Variants in XXYLT1 observed in about 807,000 individuals in gnomAD.
The protein encoded by XXYLT1 is xyloside xylosyltransferase 1, also known as UDP-xylose:alpha-xyloside alpha-1,3-xylosyltransferase.
Under a neutral mutation model 28.9 loss-of-function variants are expected in XXYLT1, and 20 were observed. The ratio of observed to expected loss-of-function variants is 0.69; its 90% CI spans 0.49 to 1.00. XXYLT1 has a LOEUF of 1.00. Ranked by LOEUF, XXYLT1 falls within the 50% of genes least tolerant of loss-of-function variation. The probability of loss-of-function intolerance (pLI) is 0.00; values close to 1 mark genes in which losing one functional copy is unlikely to be tolerated. For missense variants in XXYLT1, 542 were observed against 560.1 expected (o/e 0.97, Z 0.33); for synonymous variants, 257 against 253.8 (o/e 1.01, Z -0.12).
intron 1 of XXYLT1, among the ~76,000 whole-genome samples, chr3:195,236,285 G>A (rs894353437): frequency 2.0e-5 from 3 of 152,030 alleles, no homozygotes; most frequent in Non-Finnish European, 4.4e-5. Context: ...ATTCTACTGC[G>A]GTTAAGCTGG....
chr3:195,114,244 T>TC (rs1243182874), intron 3 of XXYLT1, among the ~76,000 whole-genome samples: 1 of 152,156 alleles, frequency 6.6e-6, no homozygotes, highest in African/African-American at 2.4e-5. Flanking sequence ...CCCTTCTCGC[T>TC]CCTCCACGTG....
intron 2 of XXYLT1, among the ~76,000 whole-genome samples, chr3:195,223,874 C>T (rs1476093428): frequency 1.3e-5 from 2 of 152,102 alleles, no homozygotes; most frequent in Admixed American, 6.5e-5. Context: ...AAATGAATTG[C>T]TGCCGGGCGC....
chr3:195,268,216 G>A (rs147799935), intron 1 of XXYLT1, among the ~76,000 whole-genome samples: 3,517 of 152,120 alleles, frequency 0.023, 139 homozygotes, highest in African/African-American at 0.079. Context: ...GATCACCTGA[G>A]GTCAGGAATT....
At chr3:195,181,284 T>TGCGG (rs1560138861) in intron 2 of XXYLT1, among the ~76,000 whole-genome samples, 44 of 150,186 alleles carry the variant, frequency 2.9e-4, no homozygotes, top group African/African-American at 1.1e-3. Context: ...CGTGGCTGCG[T>TGCGG]GGCTGCGGGG....
At chr3:195,248,247 C>A (rs190743740) in intron 1 of XXYLT1, among the ~76,000 whole-genome samples, 1 of 152,276 alleles carries the variant, frequency 6.6e-6, no homozygotes, top group African/African-American at 2.4e-5. Context: ...ACAGATACTA[C>A]CTCAGGAGGG....
intron 1 of XXYLT1, among the ~76,000 whole-genome samples, chr3:195,232,756 TCA>T (rs982097495): frequency 4.6e-5 from 7 of 152,224 alleles, no homozygotes; most frequent in African/African-American, 7.2e-5. Context: ...TGATATTATT[TCA>T]GTTTTTTGGA....
rs999182820 is a variant in XXYLT1, at chr3:195,173,130, G to A, written c.653-16549C>T. 2.0e-5 allele frequency among the ~76,000 whole-genome samples: 3 copies of A among 152,168 alleles called. No homozygotes were observed. Among genetic ancestry groups the A allele is most frequent in the Non-Finnish European group, 4.4e-5 (3 of 68,018 alleles). ...TGGTACACATCTTGCAAGTCCATCA[G>A]GAGCTCTGGCTCTCTAGACGGTGCT... is the stretch of plus-strand genomic sequence containing the variant. On this transcript the variant is annotated intron_variant, in intron 2 of 3. Transcript: ENST00000310380. The surrounding 1 kb of genome is among the most constrained non-coding windows in gnomAD (Gnocchi z 4.3).
intron 3 of XXYLT1, among the ~76,000 whole-genome samples, chr3:195,135,559 G>C (rs1012837646): frequency 2.6e-5 from 4 of 152,176 alleles, no homozygotes; most frequent in African/African-American, 9.6e-5. Context: ...GAGAACCCAG[G>C]CTGGCTCGGA....
rs375195677 is a variant in XXYLT1 at position 195,259,516 on chromosome 3, G to C, written c.504+11039C>G. 7.3e-4 allele frequency: 701 copies of C among 960,140 alleles called. 3 individuals carry two copies. In the African/African-American group the frequency reaches 0.012, roughly 16 times the overall value. The allele number at this position is 960,140 out of a possible 1,614,324, so 59.5% of individuals were successfully genotyped here. ...GGGAGGCCTTCGGGCCCTGCCAGGC[G>C]GCCCTTCCAGCAAGCAGGCGGCCGG... is the stretch of plus-strand genomic sequence containing the variant. On this transcript the variant is annotated intron_variant, in intron 1 of 3. Coordinates refer to ENST00000310380, the MANE Select transcript of XXYLT1 (RefSeq NM_152531.5).
rs570929630 is a variant in XXYLT1 at position 195,209,126 on chromosome 3, G to C, written c.652+17583C>G. ...CCTCTCAGGGGGAAGCTATCTCCCA[G>C]AGTGTAAGATGCCAGTGGGGTTAGG... On this transcript the variant is annotated intron_variant, in intron 2 of 3. Coordinates refer to ENST00000310380, the MANE Select transcript of XXYLT1 (RefSeq NM_152531.5). This position sits in a 1 kb window ranked among gnomAD's most constrained non-coding sequence, Gnocchi z 5.0. 1.3e-5 allele frequency among the ~76,000 whole-genome samples: 2 copies of C among 152,342 alleles called. No homozygotes were observed. The highest frequency in any genetic ancestry group is 2.1e-4 in the South Asian group (1 of 4,830).
chr3:195,112,620 T>TGC (rs1266936872), intron 3 of XXYLT1, among the ~76,000 whole-genome samples: 1 of 86,456 alleles, frequency 1.2e-5, no homozygotes, highest in Non-Finnish European at 2.9e-5. Flanking sequence ...CGCACACATG[T>TGC]GCACACACAC....
chr3:195,168,412 G>A lies in XXYLT1; in HGVS notation c.653-11831C>T, dbSNP rs998230494. Among the ~76,000 whole-genome samples the A allele has an allele frequency of 2.0e-5, 3 of 151,452 alleles. No individual in the cohort carries two copies. The highest frequency in any genetic ancestry group is 4.1e-4 in the South Asian group (2 of 4,834). ...CTATGTGCCAAGCACTATGCTAAAT[G>A]TGAGGGTTCAGAAATAAATAGTGTC... On this transcript the variant is annotated intron_variant, in intron 2 of 3. Coordinates refer to ENST00000310380, the MANE Select transcript of XXYLT1 (RefSeq NM_152531.5). The surrounding 1 kb of genome is among the most constrained non-coding windows in gnomAD (Gnocchi z 4.3).
chr3:195,235,977 G>T (rs1448443706), intron 1 of XXYLT1, among the ~76,000 whole-genome samples: 1 of 151,712 alleles, frequency 6.6e-6, no homozygotes, highest in Non-Finnish European at 1.5e-5. Context: ...TGGCTGGGCT[G>T]CCTGGAGATT....
intron 3 of XXYLT1, among the ~76,000 whole-genome samples, chr3:195,112,556 T>C (rs1342033582): frequency 6.9e-5 from 9 of 130,288 alleles, no homozygotes; most frequent in African/African-American, 2.8e-4. Context: ...TGGGAACAGC[T>C]AGATGAAGCA....
In XXYLT1 at chr3:195,103,334, C is replaced by CGCCAGCGACCTGCGTCCATCACCCCAT. The variant is rs1560095746; in HGVS notation, c.786-33224_786-33223insATGGGGTGATGGACGCAGGTCGCTGGC. Among the ~76,000 whole-genome samples, 1,022 of 125,198 alleles carry CGCCAGCGACCTGCGTCCATCACCCCAT rather than the reference C, an allele frequency of 8.2e-3. 27 individuals carry two copies. The highest frequency in any genetic ancestry group is 0.02 in the African/African-American group (654 of 31,952). The allele number at this position is 125,198 out of a possible 152,430, so 82.1% of individuals were successfully genotyped here. A position where few individuals can be genotyped will look rare whatever the true frequency, so the allele number is the denominator to read the frequency against. On this transcript the variant is annotated intron_variant, in intron 3 of 3. Transcript: ENST00000310380. ...CCAGCGACCTGCGTCCATCACCCCACGCCAGCGACCTGCGTCCATCACCCC... is the reference window on the plus strand; with the variant it reads ...CCAGCGACCTGCGTCCATCACCCCACGCCAGCGACCTGCGTCCATCACCCCATGCCAGCGACCTGCGTCCATCACCCC...
chr3:195,071,888 C>T (rs762850177), intron 3 of XXYLT1, among the ~76,000 whole-genome samples: 1 of 152,110 alleles, frequency 6.6e-6, no homozygotes. Context: ...GGGAACGAAG[C>T]GTTTACCGAG....
At chr3:195,140,405 A>G (rs1485559269) in intron 3 of XXYLT1, among the ~76,000 whole-genome samples, 1 of 152,222 alleles carries the variant, frequency 6.6e-6, no homozygotes, top group East Asian at 1.9e-4. Flanking sequence ...ACTGTTATGG[A>G]CAGCATGTAT....
chr3:195,117,642 C>CG (rs1718117031), intron 3 of XXYLT1, among the ~76,000 whole-genome samples: 1 of 110,160 alleles, frequency 9.1e-6, no homozygotes. Context: ...AAACTCCATG[C>CG]ACCCCCCTCT....
chr3:195,180,457 C>A lies in XXYLT1; in HGVS notation c.653-23876G>T. On this transcript the variant is annotated intron_variant, in intron 2 of 3. Transcript: ENST00000310380. This position sits in a 1 kb window ranked among gnomAD's most constrained non-coding sequence, Gnocchi z 5.8. ...GCTGCTTTTCTCATTTCATGAACTT[C>A]TTTTGAACAATTTCCTGTTCCTTTT... 1 of 985,594 alleles carries A rather than the reference C, an allele frequency of 1.0e-6. No individual in the cohort carries two copies. The highest frequency in any genetic ancestry group is 4.7e-5 in the South Asian group (1 of 21,290). 61.1% of individuals were successfully genotyped at this position (985,594 alleles called of 1,614,324 possible).
Sources: gnomAD v4.1 joint callset for allele counts (sites outside exome capture counted in the v4.1 genomes callset) on GRCh38, gnomAD v4.1.1 for gene constraint, Gnocchi (gnomAD v3.1) non-coding constraint, MANE v1.5 for transcripts, NCBI Gene and HGNC (gene_info 2026-07-23, HGNC 2026-07-21) for gene names.